The following UGT2A2 variants were observed in gnomAD, a reference collection of about 807,000 sequenced individuals.
UGT2A2 encodes UDP glucuronosyltransferase family 2 member A2, also known as UDP-glucuronosyltransferase 2A2.
In UGT2A2, 60 loss-of-function variants were observed where a neutral mutation model predicts 50.7. The observed-to-expected ratio is 1.18, with a 90% confidence interval of 0.96 to 1.47. The LOEUF (loss-of-function observed/expected upper bound fraction) is 1.47. Ranked by LOEUF, UGT2A2 falls within the 40% of genes most tolerant of loss-of-function variation. UGT2A2 has a pLI of 0.00. For synonymous variants in UGT2A2, 242 were observed against 214.6 expected (o/e 1.13, Z -1.11); for missense variants, 762 against 634.0 (o/e 1.20, Z -2.17).
Position 69,594,507 on chromosome 4 carries a change from C to G in UGT2A2, c.1301G>C (p.Ser434Thr). 1 of 1,614,130 alleles carries G rather than the reference C, an allele frequency of 6.2e-7. No individual in the cohort carries two copies. The highest frequency in any genetic ancestry group is 1.7e-5 in the Admixed American group (1 of 60,004). Residue 434 changes from serine to threonine, a missense_variant, in exon 5 of 6, where the codon AGC becomes ACC. Coordinates refer to ENST00000604629, the MANE Select transcript of UGT2A2 (RefSeq NM_001105677.2). ...LNTMTSVDLL[S>T]ALRTVINEPS... ...TTCATTAATGACTGTTCTCAAAGCG[C>G]TAAGCAAATCCACACTTGTCATTGT... is the stretch of plus-strand genomic sequence containing the variant.
At chr4:69,605,933 A>G (rs1374058993) in intron 1 of UGT2A2, among the ~76,000 whole-genome samples, 1 of 137,124 alleles carries the variant, frequency 7.3e-6, no homozygotes, top group Non-Finnish European at 1.6e-5. Context: ...AATAATTAAT[A>G]GCTTAGCAAC....
At chr4:69,632,556 T>C (rs955049695) in intron 1 of UGT2A2, among the ~76,000 whole-genome samples, 1 of 152,028 alleles carries the variant, frequency 6.6e-6, no homozygotes. Context: ...TGCACGACAA[T>C]AGTAAATATG....
intron 1 of UGT2A2, among the ~76,000 whole-genome samples, chr4:69,601,371 C>T (rs1719280261): frequency 6.6e-6 from 1 of 152,088 alleles, no homozygotes; most frequent in Non-Finnish European, 1.5e-5. Flanking sequence ...TTGGGGAGCT[C>T]CATGCCCTTC....
chr4:69,605,977 T>C lies in UGT2A2; in HGVS notation c.743-6583A>G, dbSNP rs934588113. ...GTCCAGGACCAGATGGATTCACAGC[T>C]GAATTCTACCAGAAGTACAAGGAGG... On this transcript the variant is annotated intron_variant, in intron 1 of 5. Transcript: ENST00000604629. Among the ~76,000 whole-genome samples the C allele has an allele frequency of 1.0e-4, 14 of 136,718 alleles. 3 individuals are homozygous for C. Among genetic ancestry groups the C allele is most frequent in the Admixed American group, 3.6e-4 (5 of 13,914 alleles). The allele number at this position is 136,718 out of a possible 152,430, so 89.7% of individuals were successfully genotyped here. A position where few individuals can be genotyped will look rare whatever the true frequency, so the allele number is the denominator to read the frequency against.
chr4:69,624,406 A>G (rs1720920853), intron 1 of UGT2A2, among the ~76,000 whole-genome samples: 1 of 151,458 alleles, frequency 6.6e-6, no homozygotes, highest in South Asian at 2.1e-4. Flanking sequence ...TTTTAAAAAA[A>G]TCCAATTTGA....
At chr4:69,590,531 G>A (rs1280741948) in intron 5 of UGT2A2, among the ~76,000 whole-genome samples, 5 of 152,048 alleles carry the variant, frequency 3.3e-5, no homozygotes, top group South Asian at 2.1e-4. Flanking sequence ...GAGATGTCCC[G>A]GTGTTGGCAG....
chr4:69,611,903 C>T (rs911375043), intron 1 of UGT2A2, among the ~76,000 whole-genome samples: 47 of 152,040 alleles, frequency 3.1e-4, no homozygotes, highest in Non-Finnish European at 6.2e-4. Context: ...TTCAACTCCC[C>T]AAATCTACCC....
At chr4:69,632,793 C>T (rs890817732) in intron 1 of UGT2A2, among the ~76,000 whole-genome samples, 1 of 150,592 alleles carries the variant, frequency 6.6e-6, no homozygotes, top group African/African-American at 2.4e-5. Flanking sequence ...GACGCAGAGG[C>T]AGGAAAATCG....
At chr4:69,614,148 A>C (rs901947435) in intron 1 of UGT2A2, among the ~76,000 whole-genome samples, 11 of 152,086 alleles carry the variant, frequency 7.2e-5, no homozygotes. Flanking sequence ...CAAAATCAAC[A>C]TACAAATATC....
rs767992296 is a variant in UGT2A2, at chr4:69,639,546, A to G, written c.95T>C (p.Val32Ala). The G allele has an allele frequency of 6.2e-7, 1 of 1,613,170 alleles. No individual in the cohort carries two copies. Among genetic ancestry groups the G allele is most frequent in the Non-Finnish European group, 8.5e-7 (1 of 1,179,492 alleles). Residue 32 changes from valine (V) to alanine (A), a missense_variant, in exon 1 of 6, where the codon GTG (valine) becomes GCG (alanine). By Grantham distance (64) the Val-to-Ala change is moderately conservative (BLOSUM62 0). Transcript: ENST00000604629. The part of the protein sequence containing the change: ...TLTEVVLSGN[V>A]LIWPTDGSHW... ...GCTACCATCTGTAGGCCAAATTAACACATTCCCACTTAGAACAACTTCAGT... is the reference window on the plus strand; with the variant it reads ...GCTACCATCTGTAGGCCAAATTAACGCATTCCCACTTAGAACAACTTCAGT...
intron 1 of UGT2A2, 199 bp from the exon 2 acceptor site, chr4:69,599,593 AAGGAAGGAAGGG>A (rs1020635623): frequency 8.4e-5 from 62 of 736,120 alleles, no homozygotes; most frequent in Non-Finnish European, 1.1e-4. Flanking sequence ...GGAAGAAAAG[AAGGAAGGAAGGG>A]AGGAAGGGAG....
intron 1 of UGT2A2, among the ~76,000 whole-genome samples, chr4:69,600,348 T>A (rs761537702): frequency 6.6e-6 from 1 of 152,140 alleles, no homozygotes; most frequent in Admixed American, 6.5e-5. Flanking sequence ...TAATCCTATA[T>A]CACAAGGGAC....
chr4:69,639,215 T>C lies in UGT2A2; in HGVS notation c.426A>G (p.Pro142=), dbSNP rs928952307. Residue 142 remains proline, a synonymous_variant, in exon 1 of 6, where the codon CCA becomes CCG. Transcript: ENST00000604629. ...CTTTCTGAAGTCTTGCCATCAACTT[T>C]GGGTTCTTTAGTACACCATCACAGA... The part of the protein sequence containing the change: ...IQLCDGVLKN[P]KLMARLQKGG... The C allele has an allele frequency of 1.1e-5, 18 of 1,613,728 alleles. No individual in the cohort carries two copies. The highest frequency in any genetic ancestry group is 8.0e-5 in the African/African-American group (6 of 75,014).
chr4:69,613,033 G>A (rs1455013079), intron 1 of UGT2A2, among the ~76,000 whole-genome samples: 1 of 142,202 alleles, frequency 7.0e-6, no homozygotes, highest in Admixed American at 7.1e-5. Flanking sequence ...AGGTCAACAA[G>A]CAAAAAACAA....
chr4:69,607,924 G>A (rs1719758100), intron 1 of UGT2A2, among the ~76,000 whole-genome samples: 1 of 152,152 alleles, frequency 6.6e-6, no homozygotes, highest in South Asian at 2.1e-4. Context: ...GAAACAACAG[G>A]TGCTGGAGAG....
chr4:69,617,946 C>T (rs982653673), intron 1 of UGT2A2, among the ~76,000 whole-genome samples: 48 of 151,826 alleles, frequency 3.2e-4, no homozygotes, highest in African/African-American at 1.1e-3. Context: ...ACTTTACAAT[C>T]CTAACATTAT....
In UGT2A2 at chr4:69,589,432, T is replaced by G. The variant is rs4148310; in HGVS notation, c.1551A>C (p.Gln517His). The G allele has an allele frequency of 1.2e-5, 19 of 1,614,096 alleles. No homozygotes were observed. Among genetic ancestry groups the G allele is most frequent in the Non-Finnish European group, 1.6e-5 (19 of 1,180,004 alleles). Residue 517 changes from glutamine (Q) to histidine (H), a missense_variant, in exon 6 of 6, where the codon CAA becomes CAC. Physicochemically the swap from Gln to His is conservative, Grantham distance 24 (BLOSUM62 0). Transcript: ENST00000604629. ...ATTTTTGACAGGAAAACAAACAACA[T>G]TGTATGACCAAAAATATAGCCGTTG... ...CVTTAIFLVI[Q>H]CCLFSCQKFG... is the part of the protein sequence containing the mutation.
Position 69,595,345 on chromosome 4 carries a change from G to C in UGT2A2, c.1024-96C>G, listed in dbSNP as rs571295796. On this transcript the variant is annotated intron_variant, in intron 3 of 5. Transcript: ENST00000604629. The stretch of plus-strand genomic sequence containing the variant: ...TAGAAATCATTTAGCCAGCTACTTG[G>C]AAGACGGGAATTACATAAGCAGTAG... 1,189 of 1,402,280 alleles carry C rather than the reference G, an allele frequency of 8.5e-4. 17 individuals carry two copies. In the South Asian group the frequency reaches 0.014, roughly 16 times the overall value. The allele number at this position is 1,402,280 out of a possible 1,614,324, so 86.9% of individuals were successfully genotyped here.
At chr4:69,601,186 C>A (rs555530029) in intron 1 of UGT2A2, among the ~76,000 whole-genome samples, 6 of 152,228 alleles carry the variant, frequency 3.9e-5, no homozygotes, top group Non-Finnish European at 7.4e-5. Context: ...GCAGCAGAGG[C>A]GGCTGCACTT....
Sources: allele counts gnomAD v4.1 joint callset (sites outside exome capture counted in the v4.1 genomes callset), GRCh38; gene constraint gnomAD v4.1.1; transcripts MANE v1.5; gene names NCBI Gene and HGNC (gene_info 2026-07-23, HGNC 2026-07-21).